FRMD6: variants seen among roughly 807,000 people sequenced by gnomAD.
FRMD6 encodes the protein FERM domain containing 6, also known as FERM domain-containing protein 6.
Under a neutral mutation model 73.2 loss-of-function variants are expected in FRMD6, and 37 were observed. The observed-to-expected ratio is 0.51, with a 90% CI of 0.39 to 0.66. The LOEUF is 0.66. FRMD6 is among the 30% of genes least tolerant of loss of function. The pLI, the probability that FRMD6 is intolerant of heterozygous loss-of-function variation, is 0.00. For missense variants in FRMD6, 714 were observed against 780.5 expected (o/e 0.91, Z 1.02); for synonymous variants, 273 against 282.2 (o/e 0.97, Z 0.33).
chr14:51,689,946 C>G lies in FRMD6; in HGVS notation c.99+11C>G, dbSNP rs1276607470. The G allele has an allele frequency of 3.9e-6, 6 of 1,531,572 alleles. No individual in the cohort carries two copies. The East Asian group carries it at 6.7e-5, about 17-fold the overall frequency. The allele number at this position is 1,531,572 out of a possible 1,614,324, so 94.9% of individuals were successfully genotyped here. A position where few individuals can be genotyped will look rare whatever the true frequency, so the allele number is the denominator to read the frequency against. On this transcript the variant is annotated intron_variant, in intron 2 of 13. Coordinates refer to ENST00000344768, the MANE Select transcript of FRMD6 (RefSeq NM_001267046.2). ...AACATCATCATAAATGTGAGTAGATCCAGTTTTAGAAATGTCTAAATATTG... is the reference window on the plus strand; with the variant it reads ...AACATCATCATAAATGTGAGTAGATGCAGTTTTAGAAATGTCTAAATATTG...
intron 2 of FRMD6, among the ~76,000 whole-genome samples, chr14:51,583,329 G>T (rs1354742528): frequency 6.6e-6 from 1 of 152,146 alleles, no homozygotes; most frequent in East Asian, 1.9e-4. Flanking sequence ...GTTTGTTTAG[G>T]AATAGCTGCT....
chr14:51,495,574 T>C (rs545418501), intron 1 of FRMD6, among the ~76,000 whole-genome samples: 86 of 152,248 alleles, frequency 5.6e-4, no homozygotes, highest in Non-Finnish European at 9.4e-4. Context: ...CTGTTCTTTA[T>C]TAAGTTGAAT....
chr14:51,408,122 G>A, the FRMD6 span, among the ~76,000 whole-genome samples: 1 of 150,766 alleles, frequency 6.6e-6, no homozygotes, highest in African/African-American at 2.4e-5. Flanking sequence ...TCTTCACATT[G>A]CTGTCTTTTA....
At chr14:51,604,145 G>C (rs1304382322) in intron 2 of FRMD6, among the ~76,000 whole-genome samples, 2 of 152,210 alleles carry the variant, frequency 1.3e-5, no homozygotes, top group Non-Finnish European at 2.9e-5. Context: ...GAGACCGCTA[G>C]ATTGCTGGGT....
At position 51,715,386 on chromosome 14, in the gene FRMD6, C is replaced by T. The variant is rs1897181641; in HGVS notation, c.911C>T (p.Thr304Met). The T allele has an allele frequency of 3.7e-6, 6 of 1,613,220 alleles. No homozygotes were observed. The highest frequency in any genetic ancestry group is 5.1e-6 in the Non-Finnish European group (6 of 1,179,518). The change falls in exon 10 of 14, where the codon ACG becomes ATG. Residue 304 changes from threonine (T) to methionine (M), a missense_variant. Coordinates refer to ENST00000344768, the MANE Select transcript of FRMD6 (RefSeq NM_001267046.2). ...LPSARKLIYYTGCPMRSRHLL... is the reference protein window; with the variant it reads ...LPSARKLIYYMGCPMRSRHLL... ...TCTGCCCGGAAGCTCATATACTACA[C>T]GGGGTGCCCCATGCGCTCCAGACAC...
chr14:51,711,158 A>G (rs1244946287), intron 7 of FRMD6, among the ~76,000 whole-genome samples: 3 of 144,090 alleles, frequency 2.1e-5, no homozygotes, highest in African/African-American at 8.0e-5. Context: ...AAGAGTAATT[A>G]TGAGATGGAA....
chr14:51,422,845 T>C, the FRMD6 span, among the ~76,000 whole-genome samples: 2 of 152,218 alleles, frequency 1.3e-5, no homozygotes, highest in Admixed American at 1.3e-4. Flanking sequence ...TTCACAAATA[T>C]TGCCCTCTAG....
the FRMD6 span, among the ~76,000 whole-genome samples, chr14:51,459,453 C>G: frequency 6.6e-6 from 1 of 152,156 alleles, no homozygotes; most frequent in Admixed American, 6.5e-5. Flanking sequence ...TTGACTAGCA[C>G]AGAGGTAGAA....
At chr14:51,721,708 A>AAGGGAGGG (rs771780048) in intron 11 of FRMD6, among the ~76,000 whole-genome samples, 51 of 85,232 alleles carry the variant, frequency 6.0e-4, no homozygotes, top group African/African-American at 2.4e-3. Flanking sequence ...GGAAGGAAGG[A>AAGGGAGGG]AGGAAGGAAG....
chr14:51,713,260 C>T (rs1011669854), intron 9 of FRMD6, among the ~76,000 whole-genome samples: 43 of 152,070 alleles, frequency 2.8e-4, no homozygotes, highest in African/African-American at 1.0e-3. Context: ...GAGTTCGAGA[C>T]CAGTCTGGCC....
chr14:51,475,891 G>A, the FRMD6 span, among the ~76,000 whole-genome samples: 2 of 152,020 alleles, frequency 1.3e-5, no homozygotes, highest in African/African-American at 4.8e-5. Context: ...CGTAATTGTC[G>A]ATGGAATGGA....
In FRMD6 at chr14:51,577,917, G is replaced by A. The variant is rs147033234; in HGVS notation, c.-147+7507G>A. Among the ~76,000 whole-genome samples the A allele has an allele frequency of 3.0e-3, 456 of 151,988 alleles. 2 individuals are homozygous for A. Among genetic ancestry groups the A allele is most frequent in the Non-Finnish European group, 4.4e-3 (299 of 67,954 alleles). ...AACTTGGCTAGTTCCTTGATCTTTC[G>A]TTGCCTCAATTTGTTCATCTCTACA... On this transcript the variant is annotated intron_variant, in intron 2 of 14. Transcript: ENST00000356218.
At chr14:51,721,017 G>A (rs1175783125) in intron 11 of FRMD6, among the ~76,000 whole-genome samples, 2 of 152,130 alleles carry the variant, frequency 1.3e-5, no homozygotes, top group Admixed American at 6.5e-5. Flanking sequence ...CAGGCTTGAC[G>A]GAAAAGATAG....
At chr14:51,442,360 T>TAC in the FRMD6 span, among the ~76,000 whole-genome samples, 1 of 152,130 alleles carries the variant, frequency 6.6e-6, no homozygotes, top group Admixed American at 6.5e-5. Context: ...CTCTCACATA[T>TAC]ACACATGTAC....
At chr14:51,440,635 A>G in the FRMD6 span, among the ~76,000 whole-genome samples, 3 of 152,206 alleles carry the variant, frequency 2.0e-5, no homozygotes, top group Non-Finnish European at 2.9e-5. Context: ...GAATAGTGTC[A>G]AGGATGGGCT....
Position 51,703,590 on chromosome 14 carries a change from A to G in FRMD6, c.371+1002A>G, listed in dbSNP as rs1485987231. On this transcript the variant is annotated intron_variant, in intron 5 of 13. Coordinates refer to ENST00000344768, the MANE Select transcript of FRMD6 (RefSeq NM_001267046.2). ...GAAAGAAGGAATATATATATTTAAC[A>G]AATAGTTAACCCCCTGGGGCTAAGT... Among the ~76,000 whole-genome samples the G allele has an allele frequency of 6.6e-5, 10 of 152,166 alleles. No individual in the cohort carries two copies. In the East Asian group the frequency reaches 1.9e-3, roughly 29 times the overall value.
the FRMD6 span, among the ~76,000 whole-genome samples, chr14:51,412,406 C>A: frequency 6.6e-6 from 1 of 151,906 alleles, no homozygotes; most frequent in Non-Finnish European, 1.5e-5. Context: ...CAGGTCTATG[C>A]CTTTCTCTGA....
intron 1 of FRMD6, among the ~76,000 whole-genome samples, chr14:51,557,876 G>A (rs1200252822): frequency 1.3e-5 from 2 of 151,688 alleles, no homozygotes; most frequent in Non-Finnish European, 2.9e-5. Context: ...CTACCTAGGT[G>A]ACAAAATAAT....
intron 1 of FRMD6, among the ~76,000 whole-genome samples, chr14:51,567,269 G>T (rs1887829640): frequency 6.6e-6 from 1 of 152,212 alleles, no homozygotes; most frequent in African/African-American, 2.4e-5. Flanking sequence ...ACGAGTGAAG[G>T]TCAAATTAAA....
Sources: allele counts gnomAD v4.1 joint callset (sites outside exome capture counted in the v4.1 genomes callset), GRCh38; gene constraint gnomAD v4.1.1; transcripts MANE v1.5; gene names NCBI Gene and HGNC (gene_info 2026-07-23, HGNC 2026-07-21).